Variants in CACHD1 observed in about 807,000 individuals in gnomAD.
The protein encoded by CACHD1 is cache domain containing 1.
Under a neutral mutation model 138.7 loss-of-function variants are expected in CACHD1, and 71 were observed. That is an observed-to-expected ratio of 0.51 (90% CI 0.42 to 0.62). CACHD1 has a LOEUF of 0.62. Ranked by LOEUF, CACHD1 falls within the 20% of genes least tolerant of loss-of-function variation. The pLI is 0.00. For missense variants in CACHD1, 1,389 were observed against 1,625.3 expected, an observed-to-expected ratio of 0.85 and a Z score of 2.50; for synonymous variants, 578 against 591.5, an observed-to-expected ratio of 0.98 and a Z score of 0.33.
At chr1:64,515,889 TC>T (rs1646455677) in intron 1 of CACHD1, among the ~76,000 whole-genome samples, 1 of 152,182 alleles carries the variant, frequency 6.6e-6, no homozygotes, top group African/African-American at 2.4e-5. Context: ...CTTGACTCCT[TC>T]TTTTGCCTAG....
intron 2 of CACHD1, among the ~76,000 whole-genome samples, chr1:64,551,991 C>T (rs935457339): frequency 4.6e-5 from 7 of 151,916 alleles, no homozygotes; most frequent in Admixed American, 2.6e-4. Flanking sequence ...TTTTTGTGGG[C>T]GAAGATTTCT....
At chr1:64,644,286 C>G (rs1648832088) in intron 8 of CACHD1, among the ~76,000 whole-genome samples, 1 of 152,234 alleles carries the variant, frequency 6.6e-6, no homozygotes, top group African/African-American at 2.4e-5. Context: ...ATAAAATTTA[C>G]TGACCACCTA....
chr1:64,488,850 A>C (rs1168398170), intron 1 of CACHD1, among the ~76,000 whole-genome samples: 1 of 152,238 alleles, frequency 6.6e-6, no homozygotes, highest in Non-Finnish European at 1.5e-5. Flanking sequence ...TTTAACATAT[A>C]TTTAAAGTCT....
At position 64,663,575 on chromosome 1, in the gene CACHD1, G is replaced by GA. The variant is rs1192848199; in HGVS notation, c.1952-111dup. 1,025 of 1,190,112 alleles carry GA rather than the reference G, an allele frequency of 8.6e-4. 1 individual carries two copies. The highest frequency in any genetic ancestry group is 2.3e-3 in the South Asian group (148 of 64,096). 73.7% of individuals were successfully genotyped at this position (1,190,112 alleles called of 1,614,324 possible). ...GAAAAAAAAAAAAAAAGAAAAAAAG[G>GA]AAAAAAAAAGACATTAAGCCACCAT... On this transcript the variant is annotated intron_variant, in intron 13 of 26. Transcript: ENST00000651257.
intron 9 of CACHD1, among the ~76,000 whole-genome samples, chr1:64,648,601 C>T (rs979789309): frequency 6.6e-6 from 1 of 152,128 alleles, no homozygotes; most frequent in East Asian, 1.9e-4. Context: ...AACACATGAC[C>T]GGCATACCAT....
At chr1:64,542,637 T>G (rs552106946) in intron 1 of CACHD1, among the ~76,000 whole-genome samples, 79 of 152,242 alleles carry the variant, frequency 5.2e-4, no homozygotes, top group Middle Eastern at 6.8e-3. Context: ...ATATATATTT[T>G]AGATATATAT....
chr1:64,486,773 T>C (rs1024433139), intron 1 of CACHD1, among the ~76,000 whole-genome samples: 5 of 152,326 alleles, frequency 3.3e-5, no homozygotes, highest in African/African-American at 1.2e-4. Flanking sequence ...AGCACACTGA[T>C]GGATAGAACA....
rs1345217172 is a variant in CACHD1 at position 64,673,275 on chromosome 1, G to A, written c.2610+18G>A. On this transcript the variant is annotated intron_variant, in intron 18 of 26. Coordinates refer to ENST00000651257, the MANE Select transcript of CACHD1 (RefSeq NM_020925.4). ...CCCACAAGGTATTTGTCACAAAGCT[G>A]AGCTGCTCAGTTCTCCAACCTCCTG... The A allele has an allele frequency of 6.2e-7, 1 of 1,613,676 alleles. No individual in the cohort carries two copies. Among genetic ancestry groups the A allele is most frequent in the Non-Finnish European group, 8.5e-7 (1 of 1,179,730 alleles).
chr1:64,484,699 C>T (rs1646231835), intron 1 of CACHD1, among the ~76,000 whole-genome samples: 1 of 152,240 alleles, frequency 6.6e-6, no homozygotes. Context: ...AATTTGGCTA[C>T]TCTAGGTACC....
At chr1:64,660,520 CTTT>C (rs1043677195) in intron 13 of CACHD1, among the ~76,000 whole-genome samples, 4 of 143,412 alleles carry the variant, frequency 2.8e-5, no homozygotes, top group Non-Finnish European at 6.1e-5. Flanking sequence ...TTTTGCTTTG[CTTT>C]TTTTTTTTTA....
In CACHD1 at chr1:64,477,770, G is replaced by C. The variant is rs184977230; in HGVS notation, c.198+6828G>C. ...CTGCCTCAGCCTCCCGAGTAGCTGG[G>C]ACTACAGGCGCCTGCCACCGCGCCC... On this transcript the variant is annotated intron_variant, in intron 1 of 26. Coordinates refer to ENST00000651257, the MANE Select transcript of CACHD1 (RefSeq NM_020925.4). Among the ~76,000 whole-genome samples the C allele has an allele frequency of 7.6e-3, 1,145 of 151,354 alleles. 15 individuals carry two copies. The highest frequency in any genetic ancestry group is 0.026 in the African/African-American group (1,088 of 41,322).
chr1:64,683,027 C>T (rs902194960), intron 26 of CACHD1, among the ~76,000 whole-genome samples: 1 of 151,552 alleles, frequency 6.6e-6, no homozygotes, highest in African/African-American at 2.4e-5. Context: ...CCACACCTAT[C>T]CTGGAAAAAA....
chr1:64,485,674 G>A (rs2100284602), intron 1 of CACHD1, among the ~76,000 whole-genome samples: 1 of 152,162 alleles, frequency 6.6e-6, no homozygotes, highest in Admixed American at 6.6e-5. Context: ...TCCACCTCCT[G>A]GACTCAAGTG....
Position 64,634,105 on chromosome 1 carries a change from CCTT to C in CACHD1, c.855_857del (p.Phe285del). 1 of 1,612,924 alleles carries C rather than the reference CCTT, an allele frequency of 6.2e-7. No individual in the cohort carries two copies. The highest frequency in any genetic ancestry group is 8.5e-7 in the Non-Finnish European group (1 of 1,179,746). On this transcript the variant is annotated inframe_deletion, in exon 7 of 27. Transcript: ENST00000651257. ...TGCTCACTAGACCAGTGCTATAAGA[CCTT>C]CTTGTCTCCAGCCACCAGTGAGACA... is the stretch of plus-strand genomic sequence containing the variant.
At chr1:64,561,120 A>G (rs1646835502) in intron 2 of CACHD1, among the ~76,000 whole-genome samples, 2 of 151,626 alleles carry the variant, frequency 1.3e-5, no homozygotes, top group Admixed American at 1.3e-4. Context: ...TATTATTAGG[A>G]ATATTTAGGG....
intron 2 of CACHD1, among the ~76,000 whole-genome samples, chr1:64,560,344 A>G (rs966332878): frequency 6.6e-6 from 1 of 152,078 alleles, no homozygotes; most frequent in Non-Finnish European, 1.5e-5. Flanking sequence ...ATGCATTTAA[A>G]GCTATAAACG....
intron 2 of CACHD1, among the ~76,000 whole-genome samples, chr1:64,576,980 G>C (rs1646973669): frequency 1.3e-5 from 2 of 151,856 alleles, no homozygotes; most frequent in South Asian, 4.2e-4. Context: ...TGGGGATGGG[G>C]TATCATAGGG....
chr1:64,660,352 G>A (rs1411348888), intron 13 of CACHD1, among the ~76,000 whole-genome samples: 1 of 152,084 alleles, frequency 6.6e-6, no homozygotes, highest in Non-Finnish European at 1.5e-5. Flanking sequence ...GCCACGTGTA[G>A]CTATTGGGCA....
chr1:64,579,100 A>C (rs1646991665), intron 2 of CACHD1, among the ~76,000 whole-genome samples: 1 of 152,226 alleles, frequency 6.6e-6, no homozygotes, highest in South Asian at 2.1e-4. Context: ...CAGCTACTTA[A>C]TCTGCCATTG....
Sources: gnomAD v4.1 joint callset for allele counts (sites outside exome capture counted in the v4.1 genomes callset) on GRCh38, gnomAD v4.1.1 for gene constraint, MANE v1.5 for transcripts, NCBI Gene and HGNC (gene_info 2026-07-23, HGNC 2026-07-21) for gene names.